The following CDH8 variants were observed in gnomAD, a reference collection of about 807,000 sequenced individuals.
CDH8 encodes cadherin-8.
A neutral mutation model predicts 68.1 loss-of-function variants in CDH8; 17 were observed. The ratio of observed to expected loss-of-function variants is 0.25; its 90% confidence interval spans 0.17 to 0.37. CDH8 has a LOEUF of 0.37. Ranked by LOEUF, CDH8 falls within the 10% of genes least tolerant of loss-of-function variation. The pLI is 1.00. For synonymous variants in CDH8, 372 were observed against 365.1 expected, an observed-to-expected ratio of 1.02 and a Z score of -0.21; for missense variants, 763 against 999.3, an observed-to-expected ratio of 0.76 and a Z score of 3.19.
At chr16:61,717,728 G>A (rs1300681020) in intron 9 of CDH8, among the ~76,000 whole-genome samples, 2 of 150,904 alleles carry the variant, frequency 1.3e-5, no homozygotes, top group Non-Finnish European at 3.0e-5. Context: ...TATGTGTCAG[G>A]GGGATATATG....
intron 7 of CDH8, among the ~76,000 whole-genome samples, chr16:61,795,313 T>C (rs1323483322): frequency 6.6e-6 from 1 of 152,074 alleles, no homozygotes; most frequent in East Asian, 1.9e-4. Context: ...CTCAAGCCAC[T>C]TTGTTTTCCT....
chr16:61,932,213 A>G (rs866012827), intron 2 of CDH8, among the ~76,000 whole-genome samples: 1 of 125,594 alleles, frequency 8.0e-6, no homozygotes, highest in Admixed American at 8.7e-5. Flanking sequence ...GTCTCAAAAA[A>G]AAAAAAAAAG....
At chr16:61,978,110 A>G (rs975761607) in intron 2 of CDH8, among the ~76,000 whole-genome samples, 4 of 152,258 alleles carry the variant, frequency 2.6e-5, no homozygotes, top group East Asian at 3.9e-4. Flanking sequence ...AAGCCATACT[A>G]TCTTTGCCTA....
chr16:62,034,277 G>A (rs1015328807), intron 1 of CDH8, among the ~76,000 whole-genome samples: 1 of 152,080 alleles, frequency 6.6e-6, no homozygotes, highest in Non-Finnish European at 1.5e-5. Context: ...TATCTAGGCA[G>A]GGATTTTACT....
intron 10 of CDH8, among the ~76,000 whole-genome samples, chr16:61,681,294 T>C (rs771777663): frequency 6.6e-6 from 1 of 151,920 alleles, no homozygotes; most frequent in Non-Finnish European, 1.5e-5. Context: ...AGCTGCTGCA[T>C]GAATAAACAA....
intron 2 of CDH8, among the ~76,000 whole-genome samples, chr16:61,928,033 G>C (rs1274895381): frequency 6.6e-6 from 1 of 152,066 alleles, no homozygotes; most frequent in Non-Finnish European, 1.5e-5. Flanking sequence ...TTGCACTTTT[G>C]TGACCTACAT....
intron 3 of CDH8, among the ~76,000 whole-genome samples, chr16:61,872,216 A>G (rs1963383145): frequency 6.6e-6 from 1 of 152,202 alleles, no homozygotes; most frequent in African/African-American, 2.4e-5. Flanking sequence ...CTGTAAATCA[A>G]AAGTATCCGA....
intron 2 of CDH8, among the ~76,000 whole-genome samples, chr16:61,989,910 C>T (rs907449416): frequency 6.6e-6 from 1 of 152,122 alleles, no homozygotes; most frequent in Admixed American, 6.5e-5. Context: ...ACCCAGAATG[C>T]AAACTTCTGT....
intron 10 of CDH8, among the ~76,000 whole-genome samples, chr16:61,703,216 A>G (rs1377193693): frequency 1.3e-5 from 2 of 152,172 alleles, no homozygotes; most frequent in African/African-American, 2.4e-5. Context: ...TATATACTAC[A>G]TTGTAGAATA....
chr16:61,907,443 C>G (rs1964080397), intron 2 of CDH8, among the ~76,000 whole-genome samples: 1 of 152,006 alleles, frequency 6.6e-6, no homozygotes, highest in African/African-American at 2.4e-5. Flanking sequence ...CTTAGAGAGG[C>G]TGAGGTGGGC....
intron 8 of CDH8, among the ~76,000 whole-genome samples, chr16:61,741,406 A>G (rs1176822295): frequency 2.6e-5 from 4 of 152,188 alleles, no homozygotes; most frequent in Non-Finnish European, 5.9e-5. Flanking sequence ...GAATTCATCA[A>G]TATGTGCTTT....
At chr16:61,940,367 T>G (rs998207979) in intron 2 of CDH8, 1 of 150,910 alleles carries the variant, frequency 6.6e-6, no homozygotes, top group African/African-American at 2.4e-5. Flanking sequence ...ACAGCTTTGC[T>G]AGGGAGAGCT....
At chr16:61,883,237 C>T (rs1303509504) in intron 3 of CDH8, among the ~76,000 whole-genome samples, 1 of 152,134 alleles carries the variant, frequency 6.6e-6, no homozygotes, top group Non-Finnish European at 1.5e-5. Context: ...ACCAGCAGGG[C>T]ACTCTAGGTA....
chr16:61,994,885 A>G (rs998288601), intron 2 of CDH8, among the ~76,000 whole-genome samples: 5 of 152,250 alleles, frequency 3.3e-5, no homozygotes, highest in Non-Finnish European at 2.9e-5. Context: ...CTTATCAGGA[A>G]AAACAGCAAA....
chr16:61,944,264 A>T (rs1405057455), intron 2 of CDH8, among the ~76,000 whole-genome samples: 1 of 152,234 alleles, frequency 6.6e-6, no homozygotes, highest in Non-Finnish European at 1.5e-5. Flanking sequence ...GCACAAAGTG[A>T]CAGGAAATGA....
rs1034777084 is a variant in CDH8 at position 61,649,040 on chromosome 16, A to G, written c.*4568T>C. On this transcript the variant is annotated 3_prime_UTR_variant, in exon 12 of 12. Transcript: ENST00000577390. Reference sequence around the variant, plus strand: ...ACATTCAACACTGTTTGGCTGAGTAACAGTGCAAAGACACTTTTTATAGCA... The same window carrying G: ...ACATTCAACACTGTTTGGCTGAGTAGCAGTGCAAAGACACTTTTTATAGCA... 3 of 152,068 alleles carry G rather than the reference A, an allele frequency of 2.0e-5. No individual in the cohort carries two copies. Among genetic ancestry groups the G allele is most frequent in the East Asian group, 1.9e-4 (1 of 5,188 alleles). 9.4% of individuals were successfully genotyped at this position (152,068 alleles called of 1,614,324 possible). A position where few individuals can be genotyped will look rare whatever the true frequency, so the allele number is the denominator to read the frequency against.
intron 9 of CDH8, among the ~76,000 whole-genome samples, chr16:61,723,138 T>C (rs1361694178): frequency 6.6e-6 from 1 of 150,720 alleles, no homozygotes; most frequent in Non-Finnish European, 1.5e-5. Context: ...GTCACCCTAA[T>C]TCTGTATATG....
rs1902456935 is a variant in CDH8 at position 62,036,245 on chromosome 16, G to C, written c.-365C>G. 6.6e-6 allele frequency: 1 copy of C among 152,506 alleles called. No individual in the cohort carries two copies. The highest frequency in any genetic ancestry group is 6.5e-5 in the Admixed American group (1 of 15,296). The allele number at this position is 152,506 out of a possible 1,614,324, so 9.4% of individuals were successfully genotyped here. On this transcript the variant is annotated 5_prime_UTR_variant, in exon 1 of 12. Coordinates refer to ENST00000577390, the MANE Select transcript of CDH8 (RefSeq NM_001796.5). Reference sequence around the variant, plus strand: ...TCTCGGAGCTACAGGGCTTGGTGCGGAGACGCAGGGCGGGCGCGCTGGGCT... The same window carrying C: ...TCTCGGAGCTACAGGGCTTGGTGCGCAGACGCAGGGCGGGCGCGCTGGGCT...
chr16:62,002,992 C>A (rs898274619), intron 2 of CDH8, among the ~76,000 whole-genome samples: 1 of 152,006 alleles, frequency 6.6e-6, no homozygotes. Context: ...GCGGAACTTG[C>A]AGTGAGCAGA....
Sources: gnomAD v4.1 joint callset for allele counts (sites outside exome capture counted in the v4.1 genomes callset) on GRCh38, gnomAD v4.1.1 for gene constraint, MANE v1.5 for transcripts, NCBI Gene and HGNC (gene_info 2026-07-23, HGNC 2026-07-21) for gene names.